COL5A1: variants seen among roughly 807,000 people sequenced by gnomAD.
COL5A1 encodes the protein collagen type V alpha 1 chain.
In COL5A1, 16 loss-of-function variants were observed where a neutral mutation model predicts 263.7. That is an observed-to-expected ratio of 0.06 (90% CI 0.04 to 0.09). The LOEUF (loss-of-function observed/expected upper bound fraction) is 0.09. Ranked by LOEUF, COL5A1 falls within the 10% of genes least tolerant of loss-of-function variation. COL5A1 has a pLI of 1.00. For missense variants in COL5A1, 2,036 were observed against 2,540.5 expected (o/e 0.80, Z 4.27); for synonymous variants, 1,012 against 1,004.5 (o/e 1.01, Z -0.14).
chr9:134,779,988 C>T, intron 27 of COL5A1, 114 bp from the exon 28 acceptor site: 1 of 1,180,716 alleles, frequency 8.5e-7, no homozygotes, highest in Non-Finnish European at 1.3e-6. Context: ...GGGCAGGGCG[C>T]TGGCCTCATC....
intron 1 of COL5A1, among the ~76,000 whole-genome samples, chr9:134,645,313 C>T (rs533555698): frequency 8.5e-5 from 13 of 152,364 alleles, no homozygotes; most frequent in East Asian, 3.9e-4. Context: ...CCTGCCTTCT[C>T]GCTGCCTGGC....
At chr9:134,692,349 C>A (rs985763724) in intron 2 of COL5A1, among the ~76,000 whole-genome samples, 1 of 152,196 alleles carries the variant, frequency 6.6e-6, no homozygotes, top group African/African-American at 2.4e-5. Flanking sequence ...CAAAGGACTG[C>A]AGCGGTTTCG....
At chr9:134,809,355 G>A in intron 43 of COL5A1, 65 bp downstream of exon 43, 1 of 1,291,692 alleles carries the variant, frequency 7.7e-7, no homozygotes, top group African/African-American at 1.5e-5. Context: ...GGGGAGGGTG[G>A]TGAATTTAAA....
In COL5A1 at chr9:134,842,061, G is replaced by T; in HGVS notation, c.5371-96G>T. 2.1e-6 allele frequency: 3 copies of T among 1,453,534 alleles called. No homozygotes were observed. Among genetic ancestry groups the T allele is most frequent in the Non-Finnish European group, 2.9e-6 (3 of 1,040,810 alleles). 90.0% of individuals were successfully genotyped at this position (1,453,534 alleles called of 1,614,324 possible). A position where few individuals can be genotyped will look rare whatever the true frequency, so the allele number is the denominator to read the frequency against. ...TGGGTAGGAGACAGGACACCAGCCT[G>T]GGTTTTGGAGCCAGACAGATTGTGG... On this transcript the variant is annotated intron_variant, in intron 65 of 65. Coordinates refer to ENST00000371817, the MANE Select transcript of COL5A1 (RefSeq NM_000093.5). The surrounding 1 kb of genome is among the most constrained non-coding windows in gnomAD (Gnocchi z 5.8).
At chr9:134,718,589 G>A (rs1265302307) in intron 4 of COL5A1, among the ~76,000 whole-genome samples, 3 of 152,214 alleles carry the variant, frequency 2.0e-5, no homozygotes, top group Non-Finnish European at 4.4e-5. Flanking sequence ...AATTGGGCAG[G>A]TGCCTGCCCC....
intron 39 of COL5A1, among the ~76,000 whole-genome samples, chr9:134,804,406 G>A (rs966130664): frequency 6.6e-6 from 1 of 152,190 alleles, no homozygotes; most frequent in Non-Finnish European, 1.5e-5. Context: ...GCTTGAAGAA[G>A]TTCCTTAAGT....
intron 9 of COL5A1, among the ~76,000 whole-genome samples, chr9:134,736,459 G>T (rs955007251): frequency 1.5e-4 from 23 of 152,218 alleles, no homozygotes; most frequent in African/African-American, 5.3e-4. Flanking sequence ...CATCGTAGCT[G>T]CATTCACCCA....
At chr9:134,808,614 C>T (rs1838388500) in intron 42 of COL5A1, among the ~76,000 whole-genome samples, 1 of 151,980 alleles carries the variant, frequency 6.6e-6, no homozygotes, top group Non-Finnish European at 1.5e-5. Context: ...TGCGAGTATG[C>T]TTGTTTTGTG....
intron 9 of COL5A1, among the ~76,000 whole-genome samples, chr9:134,734,738 C>T (rs1000995687): frequency 2.0e-5 from 3 of 152,186 alleles, no homozygotes; most frequent in Admixed American, 2.0e-4. Context: ...GCAGGAAGCC[C>T]CCAGACTCAG....
intron 59 of COL5A1, among the ~76,000 whole-genome samples, chr9:134,822,723 C>CCA (rs1030757119): frequency 1.3e-5 from 2 of 150,476 alleles, no homozygotes; most frequent in African/African-American, 4.9e-5. Flanking sequence ...CCGCTGCGCC[C>CCA]CCCCCGCGGC....
In COL5A1 at chr9:134,756,781, A is replaced by C; in HGVS notation, c.1844A>C (p.Asp615Ala). Reference sequence around the variant, plus strand: ...TTGTTCCAGGGTCGGGCTGGGAGTGATGGAGCCAGAGGAATGCCTGGACAA... The same window carrying C: ...TTGTTCCAGGGTCGGGCTGGGAGTGCTGGAGCCAGAGGAATGCCTGGACAA... ...KPGRRGRAGS[D>A]GARGMPGQTG... The change falls in exon 17 of 66, where the codon GAT (aspartate) becomes GCT (alanine). Residue 615 changes from aspartate (D) to alanine (A), a missense_variant. Physicochemically the swap from Asp to Ala is moderately radical, Grantham distance 126. Transcript: ENST00000371817. 4 of 1,613,934 alleles carry C rather than the reference A, an allele frequency of 2.5e-6. No individual in the cohort carries two copies. The highest frequency in any genetic ancestry group is 3.4e-6 in the Non-Finnish European group (4 of 1,180,000).
Position 134,758,161 on chromosome 9 carries a change from G to A in COL5A1, c.1882-82G>A, listed in dbSNP as rs1474593355. On this transcript the variant is annotated intron_variant, in intron 17 of 65. Transcript: ENST00000371817. This position sits in a 1 kb window ranked among gnomAD's most constrained non-coding sequence, Gnocchi z 4.1. The stretch of plus-strand genomic sequence containing the variant: ...TGTGAAACGTGGTCCAAGGCGGGGC[G>A]GCCATCACTTGGTGGACACCAAGGC... 7 of 1,422,506 alleles carry A rather than the reference G, an allele frequency of 4.9e-6. No homozygotes were observed. The highest frequency in any genetic ancestry group is 4.2e-5 in the African/African-American group (3 of 71,170). 88.1% of individuals were successfully genotyped at this position (1,422,506 alleles called of 1,614,324 possible). A position where few individuals can be genotyped will look rare whatever the true frequency, so the allele number is the denominator to read the frequency against.
At chr9:134,812,788 CTGTGTGTA>C (rs1838585892) in intron 48 of COL5A1, 76 bp downstream of exon 48, 8 of 918,496 alleles carry the variant, frequency 8.7e-6, no homozygotes, top group African/African-American at 3.5e-5. Flanking sequence ...GTGTGTGTGT[CTGTGTGTA>C]TGTGTATGTG....
At position 134,751,015 on chromosome 9, in the gene COL5A1, CT is replaced by C. The variant is rs1243110523; in HGVS notation, c.1662+134del. The C allele has an allele frequency of 5.5e-5, 45 of 816,930 alleles. No individual in the cohort carries two copies. In the Admixed American group the frequency reaches 9.0e-4, roughly 16 times the overall value. The allele number at this position is 816,930 out of a possible 1,614,324, so 50.6% of individuals were successfully genotyped here. On this transcript the variant is annotated intron_variant, in intron 13 of 65. Transcript: ENST00000371817. The stretch of plus-strand genomic sequence containing the variant: ...GTCTTGATCCCAGAATGCCTGCTTG[CT>C]GGGGTCAGGAGCTGTGGGAGCGTCC...
At chr9:134,658,795 G>C (rs1287145497) in intron 1 of COL5A1, among the ~76,000 whole-genome samples, 1 of 152,236 alleles carries the variant, frequency 6.6e-6, no homozygotes, top group East Asian at 1.9e-4. Context: ...AGGGGCTGCT[G>C]GGCTCCAGGT....
chr9:134,726,667 A>G (rs1834665260), intron 4 of COL5A1, among the ~76,000 whole-genome samples: 2 of 142,376 alleles, frequency 1.4e-5, no homozygotes, highest in African/African-American at 5.3e-5. Flanking sequence ...TGGATGGGAG[A>G]ATGGATGGAT....
intron 9 of COL5A1, among the ~76,000 whole-genome samples, chr9:134,733,324 G>A (rs1162449448): frequency 6.6e-6 from 1 of 152,210 alleles, no homozygotes; most frequent in African/African-American, 2.4e-5. Flanking sequence ...GGGCAGACGG[G>A]ATGTGTCCCA....
At chr9:134,750,733 G>T in intron 12 of COL5A1, 57 bp from the exon 13 acceptor site, 1 of 1,604,662 alleles carries the variant, frequency 6.2e-7, no homozygotes, top group Non-Finnish European at 8.5e-7. Flanking sequence ...TCAGTCTGTG[G>T]TCTTGCCTGG....
At chr9:134,643,173 A>G (rs961871158) in intron 1 of COL5A1, among the ~76,000 whole-genome samples, 4 of 152,104 alleles carry the variant, frequency 2.6e-5, no homozygotes, top group African/African-American at 9.7e-5. Flanking sequence ...TCCCTGGCGC[A>G]GCTTCCTGAC....
Sources: gnomAD v4.1 joint callset for allele counts (sites outside exome capture counted in the v4.1 genomes callset) on GRCh38, gnomAD v4.1.1 for gene constraint, Gnocchi (gnomAD v3.1) non-coding constraint, MANE v1.5 for transcripts, NCBI Gene and HGNC (gene_info 2026-07-23, HGNC 2026-07-21) for gene names.